The following RNF213 variants were observed in gnomAD, a reference collection of about 807,000 sequenced individuals.
RNF213 encodes the protein ring finger protein 213, also known as E3 ubiquitin-protein ligase RNF213.
RNF213 carries 341 observed loss-of-function variants against 514.4 expected under a neutral mutation model. The ratio of observed to expected loss-of-function variants is 0.66; its 90% CI spans 0.61 to 0.73. The LOEUF (loss-of-function observed/expected upper bound fraction) is 0.73, where lower values mean the gene tolerates loss of function less well. Among genes scored for constraint, RNF213 ranks in the 30% least tolerant of loss-of-function variants. The pLI, the probability that RNF213 is intolerant of heterozygous loss-of-function variation, is 0.00. For missense variants in RNF213, 5,767 were observed against 6,615.6 expected, an observed-to-expected ratio of 0.87 and a Z score of 4.45; for synonymous variants, 2,655 against 2,658.2, an observed-to-expected ratio of 1.00 and a Z score of 0.04.
chr17:80,355,367 TGGG>T, intron 36 of RNF213: 1 of 330,110 alleles, frequency 3.0e-6, no homozygotes, highest in Admixed American at 2.9e-5. Flanking sequence ...TGAACGGGAA[TGGG>T]AGCTTACAGG....
In RNF213 at chr17:80,347,255, C is replaced by A. The variant is rs1180185020; in HGVS notation, c.8920C>A (p.Pro2974Thr). 1 of 1,613,350 alleles carries A rather than the reference C, an allele frequency of 6.2e-7. No homozygotes were observed. Among genetic ancestry groups the A allele is most frequent in the African/African-American group, 1.3e-5 (1 of 74,914 alleles). ...FAAAKASNRK[P>T]SPQDIAQAVL... Reference sequence around the variant, plus strand: ...TGCAGCAAAGGCTTCAAATAGAAAGCCTTCCCCGCAAGACATTGCACAGGC... The same window carrying A: ...TGCAGCAAAGGCTTCAAATAGAAAGACTTCCCCGCAAGACATTGCACAGGC... Residue 2974 changes from proline (P) to threonine (T), a missense_variant, in exon 29 of 68, where the codon CCT becomes ACT. By Grantham distance (38) the Pro-to-Thr change is conservative. This residue lies in a region of RNF213 where 919 missense variants were observed against 1,121.0 expected (regional missense o/e 0.82). Coordinates refer to ENST00000582970, the MANE Select transcript of RNF213 (RefSeq NM_001256071.3). The surrounding 1 kb of genome is among the most constrained non-coding windows in gnomAD (Gnocchi z 7.2).
In RNF213 at chr17:80,353,666, T is replaced by C. The variant is rs2078617882; in HGVS notation, c.10578T>C (p.Asp3526=). 6.2e-7 allele frequency: 1 copy of C among 1,614,020 alleles called. No homozygotes were observed. Among genetic ancestry groups the C allele is most frequent in the Non-Finnish European group, 8.5e-7 (1 of 1,180,022 alleles). The change falls in exon 34 of 68, where the codon GAT becomes GAC. Residue 3526 remains aspartate (D), a splice_region_variant and synonymous_variant. Transcript: ENST00000582970. This position sits in a 1 kb window ranked among gnomAD's most constrained non-coding sequence, Gnocchi z 5.0. ...AAACCTCTGAACTCGGAGGCAGTGATGTAAGTTCTGGTTCTTGGGACCTCC... is the reference window on the plus strand; with the variant it reads ...AAACCTCTGAACTCGGAGGCAGTGACGTAAGTTCTGGTTCTTGGGACCTCC... ...GKETSELGGS[D]VSILDTTRLL...
rs2080572091 is a variant in RNF213 at position 80,393,596 on chromosome 17, CAGA to C, written c.*101_*103del. The C allele has an allele frequency of 7.4e-7, 1 of 1,351,490 alleles. No individual in the cohort carries two copies. Among genetic ancestry groups the C allele is most frequent in the Non-Finnish European group, 1.0e-6 (1 of 959,980 alleles). 83.7% of individuals were successfully genotyped at this position (1,351,490 alleles called of 1,614,324 possible). A position where few individuals can be genotyped will look rare whatever the true frequency, so the allele number is the denominator to read the frequency against. On this transcript the variant is annotated 3_prime_UTR_variant, in exon 68 of 68. Coordinates refer to ENST00000582970, the MANE Select transcript of RNF213 (RefSeq NM_001256071.3). The stretch of plus-strand genomic sequence containing the variant: ...GATCATGGACTGGTGCCTTTGCATT[CAGA>C]AGGAGAGCTGTCAGCGTAGCACCGA...
At chr17:80,289,890 C>T in intron 6 of RNF213, 53 bp downstream of exon 6, 6 of 1,525,172 alleles carry the variant, frequency 3.9e-6, no homozygotes, top group Non-Finnish European at 5.4e-6. Flanking sequence ...GAGCCCGGCA[C>T]ACCCTCTCCC....
Position 80,332,004 on chromosome 17 carries a change from A to G in RNF213, c.3518-2A>G. On this transcript the variant is annotated splice_acceptor_variant, in intron 20 of 67. Transcript: ENST00000582970. LOFTEE classifies it high-confidence loss of function. ...TCTGACACTTTCTTTTCGCTTCTAA[A>G]GTGGACTTTGGAGTGCTTGCAGTAA... 6.5e-7 allele frequency: 1 copy of G among 1,530,990 alleles called. No individual in the cohort carries two copies. The highest frequency in any genetic ancestry group is 1.4e-5 in the African/African-American group (1 of 73,034). 94.8% of individuals were successfully genotyped at this position (1,530,990 alleles called of 1,614,324 possible).
chr17:80,318,978 C>T (rs1015102469), intron 16 of RNF213, among the ~76,000 whole-genome samples: 4 of 152,156 alleles, frequency 2.6e-5, no homozygotes, highest in Non-Finnish European at 4.4e-5. Flanking sequence ...GCTTTTTCTG[C>T]AGAGTGGGAA....
intron 44 of RNF213, among the ~76,000 whole-genome samples, chr17:80,368,594 G>A (rs1599152360): frequency 6.6e-6 from 1 of 152,170 alleles, no homozygotes; most frequent in East Asian, 1.9e-4. Context: ...CACCATGCCC[G>A]GCTAATTTTT....
rs780611540 is a variant in RNF213 at position 80,344,853 on chromosome 17, G to A, written c.6518G>A (p.Arg2173Gln). 1.2e-5 allele frequency: 20 copies of A among 1,614,032 alleles called. No homozygotes were observed. The highest frequency in any genetic ancestry group is 4.5e-5 in the East Asian group (2 of 44,898). The stretch of plus-strand genomic sequence containing the variant: ...CAAAGACCTTACCAGTATTTAAGAC[G>A]ATTCAATCAAAACCAAGACCTAGAC... ...TFQRPYQYLR[R>Q]FNQNQDLDTF... is the part of the protein sequence containing the mutation. Residue 2173 changes from arginine to glutamine, a missense_variant, in exon 29 of 68, where the codon CGA (arginine) becomes CAA (glutamine). This residue lies in a region of RNF213 where 1,377 missense variants were observed against 1,635.2 expected (regional missense o/e 0.84). Coordinates refer to ENST00000582970, the MANE Select transcript of RNF213 (RefSeq NM_001256071.3).
At chr17:80,277,308 G>A (rs1227797025) in intron 3 of RNF213, among the ~76,000 whole-genome samples, 2 of 151,530 alleles carry the variant, frequency 1.3e-5, no homozygotes, top group Non-Finnish European at 2.9e-5. Context: ...AAGAAAATGG[G>A]AACTAGGGCC....
intron 12 of RNF213, among the ~76,000 whole-genome samples, chr17:80,306,833 CAG>C (rs1461728991): frequency 8.1e-4 from 114 of 140,864 alleles, no homozygotes; most frequent in African/African-American, 2.9e-3. Flanking sequence ...GCCTGGGTGA[CAG>C]AGCGAGACTC....
Position 80,313,051 on chromosome 17 carries a change from G to C in RNF213, c.2695G>C (p.Val899Leu). Residue 899 changes from valine to leucine, a missense_variant, in exon 15 of 68, where the codon GTC becomes CTC. Physicochemically the swap from Val to Leu is conservative, Grantham distance 32. Around this residue, in one of 13 missense-constraint regions of RNF213, gnomAD observed 592 missense variants for 673.9 expected, o/e 0.88. Transcript: ENST00000582970. ...GQRDETGNNS[V>L]QTVFQGTLAA... is the part of the protein sequence containing the mutation. ...GAGAGATGAAACTGGAAATAATTCA[G>C]TCCAAACAGTCTTCCAAGGGACCCT... 1 of 1,614,040 alleles carries C rather than the reference G, an allele frequency of 6.2e-7. No homozygotes were observed. The highest frequency in any genetic ancestry group is 8.5e-7 in the Non-Finnish European group (1 of 1,180,046).
At chr17:80,336,412 T>A (rs2077988948) in intron 23 of RNF213, 34 bp downstream of exon 23, 1 of 1,524,626 alleles carries the variant, frequency 6.6e-7, no homozygotes, top group South Asian at 1.2e-5. Context: ...GCAGATTTTG[T>A]TGAATAGAGC....
rs1263984216 is a variant in RNF213, at chr17:80,302,572, G to A, written c.2211-3680G>A. On this transcript the variant is annotated intron_variant, in intron 11 of 67. Coordinates refer to ENST00000582970, the MANE Select transcript of RNF213 (RefSeq NM_001256071.3). ...ATGTGTCAGTTTAAAAATAATAAAA[G>A]CAGCTGGGCTTGGTGGCTCATGCCT... Among the ~76,000 whole-genome samples the A allele has an allele frequency of 2.0e-5, 3 of 152,190 alleles. No individual in the cohort carries two copies. In the East Asian group the frequency reaches 5.8e-4, roughly 29 times the overall value.
Position 80,348,181 on chromosome 17 carries a change from G to A in RNF213, c.9846G>A (p.Trp3282Ter). 1 of 1,613,896 alleles carries A rather than the reference G, an allele frequency of 6.2e-7. No homozygotes were observed. The highest frequency in any genetic ancestry group is 8.5e-7 in the Non-Finnish European group (1 of 1,180,052). The change falls in exon 29 of 68, where the codon TGG becomes TGA. Residue 3282 changes from tryptophan (W) to a stop codon, truncating the protein, a stop_gained. Coordinates refer to ENST00000582970, the MANE Select transcript of RNF213 (RefSeq NM_001256071.3). LOFTEE classifies it high-confidence loss of function. ...CGCTGGGCGGGTTCGCAGCGGAGTG[G>A]CTGTCGCAGGAGTACTTTCACAGAC... is the stretch of plus-strand genomic sequence containing the variant. ...AYSLGGFAAE[W>*]LSQEYFHRQR...
At chr17:80,355,431 TGGATGGGAA>T (rs2078722841) in intron 36 of RNF213, 1 of 112,080 alleles carries the variant, frequency 8.9e-6, no homozygotes, top group Admixed American at 8.0e-5. Flanking sequence ...AGAAGCGGGG[TGGATGGGAA>T]TCGGGGCTCA....
At chr17:80,334,624 TTTTTG>T (rs1253930643) in intron 22 of RNF213, among the ~76,000 whole-genome samples, 3 of 150,790 alleles carry the variant, frequency 2.0e-5, no homozygotes, top group African/African-American at 4.9e-5. Flanking sequence ...AGGTTTTTTT[TTTTTG>T]TTTGTTTGTT....
chr17:80,393,615 G>T lies in RNF213; in HGVS notation c.*117G>T. On this transcript the variant is annotated 3_prime_UTR_variant, in exon 68 of 68. Transcript: ENST00000582970. ...TGCATTCAGAAGGAGAGCTGTCAGC[G>T]TAGCACCGAATTCAAGACCAAGGCG... is the stretch of plus-strand genomic sequence containing the variant. 2 of 1,175,940 alleles carry T rather than the reference G, an allele frequency of 1.7e-6. No homozygotes were observed. The highest frequency in any genetic ancestry group is 1.3e-5 in the South Asian group (1 of 74,360). The allele number at this position is 1,175,940 out of a possible 1,614,324, so 72.8% of individuals were successfully genotyped here. A position where few individuals can be genotyped will look rare whatever the true frequency, so the allele number is the denominator to read the frequency against.
chr17:80,394,766 CCTCA>C lies in RNF213; in HGVS notation c.*1271_*1274del, dbSNP rs1473408431. On this transcript the variant is annotated 3_prime_UTR_variant, in exon 68 of 68. Coordinates refer to ENST00000582970, the MANE Select transcript of RNF213 (RefSeq NM_001256071.3). ...CACGGAAGGAACTGTGCTCCGTTCT[CCTCA>C]CTGTCATGGTGCCACCAGTGTCTGA... 2.0e-5 allele frequency: 3 copies of C among 152,210 alleles called. No homozygotes were observed. The highest frequency in any genetic ancestry group is 4.8e-5 in the African/African-American group (2 of 41,436). The allele number at this position is 152,210 out of a possible 1,614,324, so 9.4% of individuals were successfully genotyped here.
intron 2 of RNF213, among the ~76,000 whole-genome samples, chr17:80,267,302 A>G (rs9891036): frequency 0.06 from 9,014 of 151,344 alleles, 857 homozygotes; most frequent in African/African-American, 0.2. Context: ...TTAGCTAGGC[A>G]TGGTGGCGTG....
Sources: gnomAD v4.1 joint callset for allele counts (sites outside exome capture counted in the v4.1 genomes callset) on GRCh38, gnomAD v4.1.1 for gene constraint, gnomAD v4.1.1 regional missense constraint, Gnocchi (gnomAD v3.1) non-coding constraint, MANE v1.5 for transcripts, NCBI Gene and HGNC (gene_info 2026-07-23, HGNC 2026-07-21) for gene names.